Variants in SGCZ observed in about 807,000 individuals in gnomAD.
The protein encoded by SGCZ is sarcoglycan zeta.
A neutral mutation model predicts 41.3 loss-of-function variants in SGCZ; 40 were observed. The observed-to-expected ratio is 0.97, with a 90% CI of 0.75 to 1.26. SGCZ has a LOEUF of 1.26. SGCZ is among the 50% of genes most tolerant of loss of function. The pLI is 0.00. For missense variants in SGCZ, 552 were observed against 369.8 expected (o/e 1.49, Z -4.04); for synonymous variants, 206 against 137.5 (o/e 1.50, Z -3.49).
chr8:14,411,117 A>T (rs1799348413), intron 2 of SGCZ, among the ~76,000 whole-genome samples: 1 of 152,126 alleles, frequency 6.6e-6, no homozygotes, highest in Non-Finnish European at 1.5e-5. Context: ...TATGGCGCCA[A>T]CCAATGCGTT....
At chr8:14,546,594 CT>C (rs1472405454) in intron 2 of SGCZ, among the ~76,000 whole-genome samples, 1 of 152,100 alleles carries the variant, frequency 6.6e-6, no homozygotes, top group Non-Finnish European at 1.5e-5. Context: ...TTTAACCATT[CT>C]AATTACACAC....
chr8:14,795,123 G>A (rs1801082110), intron 1 of SGCZ, among the ~76,000 whole-genome samples: 1 of 152,132 alleles, frequency 6.6e-6, no homozygotes, highest in East Asian at 1.9e-4. Context: ...AAGGTAAGTA[G>A]GAGGGTTTAA....
chr8:14,727,646 G>T (rs1029104303), intron 1 of SGCZ, among the ~76,000 whole-genome samples: 12 of 151,812 alleles, frequency 7.9e-5, no homozygotes, highest in Non-Finnish European at 1.8e-4. Flanking sequence ...GAGTAGCTGG[G>T]ACTACAGGCG....
At chr8:14,911,355 A>G (rs777238353) in intron 1 of SGCZ, among the ~76,000 whole-genome samples, 26 of 152,032 alleles carry the variant, frequency 1.7e-4, no homozygotes, top group Non-Finnish European at 3.2e-4. Flanking sequence ...GCAGACACCA[A>G]TGCCTATTTT....
At chr8:14,762,288 C>T (rs975570456) in intron 1 of SGCZ, among the ~76,000 whole-genome samples, 5 of 152,102 alleles carry the variant, frequency 3.3e-5, no homozygotes, top group African/African-American at 1.2e-4. Context: ...GACCTCAAAA[C>T]AGTAAAATCT....
chr8:14,126,888 A>G (rs778611623), intron 5 of SGCZ, among the ~76,000 whole-genome samples: 11 of 152,178 alleles, frequency 7.2e-5, no homozygotes, highest in Non-Finnish European at 4.4e-5. Context: ...ACAGAAAATC[A>G]AACACCACAT....
chr8:15,138,673 CCAT>C (rs1808207961), intron 1 of SGCZ, among the ~76,000 whole-genome samples: 1 of 152,184 alleles, frequency 6.6e-6, no homozygotes, highest in South Asian at 2.1e-4. Flanking sequence ...GTGCCTGCCA[CCAT>C]GATTGTAAGT....
intron 1 of SGCZ, among the ~76,000 whole-genome samples, chr8:14,608,226 C>A (rs190213071): frequency 5.7e-4 from 84 of 148,604 alleles, no homozygotes; most frequent in Admixed American, 5.0e-3. Context: ...CAGCTTTCCA[C>A]AAATTCATTC....
chr8:14,348,611 G>T (rs1458100762), intron 2 of SGCZ, among the ~76,000 whole-genome samples: 1 of 151,960 alleles, frequency 6.6e-6, no homozygotes, highest in African/African-American at 2.4e-5. Flanking sequence ...GCATATATTC[G>T]CTGAAAAAAA....
At chr8:14,537,293 G>C (rs1185504063) in intron 2 of SGCZ, among the ~76,000 whole-genome samples, 1 of 151,774 alleles carries the variant, frequency 6.6e-6, no homozygotes, top group African/African-American at 2.4e-5. Flanking sequence ...ACCAGGGTGG[G>C]GGGTCGTCTA....
At chr8:14,134,601 CA>C (rs1803141157) in intron 5 of SGCZ, among the ~76,000 whole-genome samples, 1 of 152,156 alleles carries the variant, frequency 6.6e-6, no homozygotes, top group Admixed American at 6.5e-5. Flanking sequence ...ATCAGAGCCA[CA>C]ACAAATTGTC....
chr8:14,180,037 G>C (rs778304043), intron 4 of SGCZ, among the ~76,000 whole-genome samples: 2 of 152,108 alleles, frequency 1.3e-5, no homozygotes, highest in Non-Finnish European at 2.9e-5. Flanking sequence ...GCGATTTGTG[G>C]CAAAAATAAC....
intron 5 of SGCZ, among the ~76,000 whole-genome samples, chr8:14,149,057 TAA>T (rs1803614909): frequency 6.6e-6 from 1 of 152,090 alleles, no homozygotes; most frequent in African/African-American, 2.4e-5. Flanking sequence ...AAGTTCTATA[TAA>T]GACACCCACA....
rs1277413382 is a variant in SGCZ at position 14,088,413 on chromosome 8, T to A, written c.*2030A>T. 2.6e-5 allele frequency among the ~76,000 whole-genome samples: 4 copies of A among 151,854 alleles called. No individual in the cohort carries two copies. Among genetic ancestry groups the A allele is most frequent in the Non-Finnish European group, 5.9e-5 (4 of 67,850 alleles). On this transcript the variant is annotated 3_prime_UTR_variant, in exon 8 of 8. Transcript: ENST00000382080. ...TGGAAGGATGATTAGAACTTGAATA[T>A]GTCTTAAATTAAATTACTACATAAT...
At chr8:14,952,887 C>A (rs544954126) in intron 1 of SGCZ, among the ~76,000 whole-genome samples, 3 of 152,172 alleles carry the variant, frequency 2.0e-5, no homozygotes, top group East Asian at 1.9e-4. Context: ...TGCTGGAAAC[C>A]ATTCTGGAGA....
At chr8:15,074,571 G>C (rs1805464196) in intron 1 of SGCZ, among the ~76,000 whole-genome samples, 1 of 151,968 alleles carries the variant, frequency 6.6e-6, no homozygotes, top group African/African-American at 2.4e-5. Context: ...CCATAATACA[G>C]CATACAAGCC....
chr8:14,897,936 A>G (rs1297322935), intron 1 of SGCZ, among the ~76,000 whole-genome samples: 1 of 152,138 alleles, frequency 6.6e-6, no homozygotes, highest in African/African-American at 2.4e-5. Flanking sequence ...GCATTTTCAA[A>G]AGAGATGTAT....
chr8:14,835,620 C>A (rs1802670926), intron 1 of SGCZ, among the ~76,000 whole-genome samples: 1 of 152,148 alleles, frequency 6.6e-6, no homozygotes, highest in Non-Finnish European at 1.5e-5. Context: ...CTTGAGGCAC[C>A]CTGCTAGACA....
intron 1 of SGCZ, among the ~76,000 whole-genome samples, chr8:14,579,750 G>A (rs1199970400): frequency 6.6e-6 from 1 of 152,122 alleles, no homozygotes; most frequent in Non-Finnish European, 1.5e-5. Context: ...CTAGGGAGTG[G>A]CATATGATAC....
Sources: gnomAD v4.1 joint callset for allele counts (sites outside exome capture counted in the v4.1 genomes callset) on GRCh38, gnomAD v4.1.1 for gene constraint, MANE v1.5 for transcripts, NCBI Gene and HGNC (gene_info 2026-07-23, HGNC 2026-07-21) for gene names.